Variants in BBX observed in about 807,000 individuals in gnomAD.
The protein encoded by BBX is HMG box transcription factor BBX.
In BBX, 30 loss-of-function variants were observed where a neutral mutation model predicts 100.2. The ratio of observed to expected loss-of-function variants is 0.30; its 90% CI spans 0.22 to 0.41. BBX has a LOEUF of 0.41. Ranked by LOEUF, BBX falls within the 10% of genes least tolerant of loss-of-function variation. The pLI is 1.00. For synonymous variants in BBX, 376 were observed against 388.1 expected, an observed-to-expected ratio of 0.97 and a Z score of 0.37; for missense variants, 1,023 against 1,129.8, an observed-to-expected ratio of 0.91 and a Z score of 1.35.
At chr3:107,709,216 T>A (rs1482338219) in intron 3 of BBX, among the ~76,000 whole-genome samples, 1 of 152,200 alleles carries the variant, frequency 6.6e-6, no homozygotes, top group Non-Finnish European at 1.5e-5. Context: ...ATGTTTAAGT[T>A]GAAGTTGTAC....
chr3:107,643,239 C>G (rs1559910143), intron 2 of BBX, among the ~76,000 whole-genome samples: 1 of 152,164 alleles, frequency 6.6e-6, no homozygotes, highest in Non-Finnish European at 1.5e-5. Flanking sequence ...AAGCCAGTTG[C>G]TTCAGCGTGT....
At chr3:107,739,544 T>C (rs1270926177) in intron 7 of BBX, among the ~76,000 whole-genome samples, 1 of 152,220 alleles carries the variant, frequency 6.6e-6, no homozygotes, top group Non-Finnish European at 1.5e-5. Flanking sequence ...CCAGCTTGAT[T>C]GACAAATCAC....
At chr3:107,798,349 T>C (rs2069982076) in intron 15 of BBX, among the ~76,000 whole-genome samples, 174 bp from the exon 16 acceptor site, 1 of 152,220 alleles carries the variant, frequency 6.6e-6, no homozygotes, top group Admixed American at 6.5e-5. Flanking sequence ...TATCAATTGG[T>C]AGTAAACAAG....
rs567947434 is a variant in BBX at position 107,600,920 on chromosome 3, A to G, written c.-83-44916A>G. 1.2e-4 allele frequency among the ~76,000 whole-genome samples: 18 copies of G among 152,274 alleles called. No individual in the cohort carries two copies. In the South Asian group the frequency reaches 3.5e-3, roughly 30 times the overall value. On this transcript the variant is annotated intron_variant, in intron 2 of 17. Transcript: ENST00000325805. The stretch of plus-strand genomic sequence containing the variant: ...ACATCACAGATACTGTATTTTTTAC[A>G]AATTGAAGATCTGTGGCAACTCTGC...
intron 3 of BBX, among the ~76,000 whole-genome samples, chr3:107,660,162 A>G (rs1419755364): frequency 1.3e-5 from 2 of 152,178 alleles, no homozygotes; most frequent in Non-Finnish European, 2.9e-5. Flanking sequence ...TCACTCATCT[A>G]GATATCTCAG....
intron 17 of BBX, among the ~76,000 whole-genome samples, chr3:107,804,841 C>T (rs1392541901): frequency 3.3e-5 from 5 of 150,094 alleles, no homozygotes; most frequent in Non-Finnish European, 7.4e-5. Flanking sequence ...CACAGTCCAT[C>T]TCTGTTTCTC....
chr3:107,770,223 G>T (rs1207452633), intron 10 of BBX, among the ~76,000 whole-genome samples: 1 of 152,168 alleles, frequency 6.6e-6, no homozygotes, highest in African/African-American at 2.4e-5. Context: ...AATAGAGTTT[G>T]CAAAATATTA....
rs150519547 is a variant in BBX, at chr3:107,753,952, CATT to C, written c.826-1641_826-1639del. Reference sequence around the variant, plus strand: ...TGTTTATTAAGTGTTAAAGATAAATCATTATTAGTAATAATTGGGCCATTTATT... The same window carrying C: ...TGTTTATTAAGTGTTAAAGATAAATCATTAGTAATAATTGGGCCATTTATT... On this transcript the variant is annotated intron_variant, in intron 9 of 17. Coordinates refer to ENST00000325805, the MANE Select transcript of BBX (RefSeq NM_001142568.3). 5.9e-5 allele frequency among the ~76,000 whole-genome samples: 9 copies of C among 152,258 alleles called. No homozygotes were observed. In the East Asian group the frequency reaches 1.7e-3, roughly 29 times the overall value.
At chr3:107,666,719 G>A (rs147441718) in intron 3 of BBX, among the ~76,000 whole-genome samples, 2,621 of 152,158 alleles carry the variant, frequency 0.017, 34 homozygotes, top group Non-Finnish European at 0.028. Context: ...CTACAGGTGC[G>A]TGCCACCACG....
intron 3 of BBX, among the ~76,000 whole-genome samples, chr3:107,670,085 T>C (rs528653442): frequency 1.3e-5 from 2 of 152,270 alleles, no homozygotes; most frequent in South Asian, 4.1e-4. Context: ...TGTTATGTAT[T>C]AGACTTAGCT....
chr3:107,553,438 T>C (rs988808221), intron 2 of BBX, among the ~76,000 whole-genome samples: 5 of 152,230 alleles, frequency 3.3e-5, no homozygotes, highest in Non-Finnish European at 1.5e-5. Context: ...ACCATATTGC[T>C]ACTTTCTCCC....
rs1395479935 is a variant in BBX at position 107,808,363 on chromosome 3, T to C, written c.*2906T>C. 11 of 152,212 alleles carry C rather than the reference T, an allele frequency of 7.2e-5. No individual in the cohort carries two copies. Among genetic ancestry groups the C allele is most frequent in the Non-Finnish European group, 4.4e-5 (3 of 68,018 alleles). The allele number at this position is 152,212 out of a possible 1,614,324, so 9.4% of individuals were successfully genotyped here. ...TGAATTTAGTTGAAATTATCAATATTTATGCTTTTAACCTTAATTTCTGGA... is the reference window on the plus strand; with the variant it reads ...TGAATTTAGTTGAAATTATCAATATCTATGCTTTTAACCTTAATTTCTGGA... On this transcript the variant is annotated 3_prime_UTR_variant, in exon 18 of 18. Transcript: ENST00000325805.
Position 107,734,123 on chromosome 3 carries a change from T to G in BBX, c.669+1100T>G, listed in dbSNP as rs138718330. On this transcript the variant is annotated intron_variant, in intron 7 of 17. Coordinates refer to ENST00000325805, the MANE Select transcript of BBX (RefSeq NM_001142568.3). ...TTTAGTTGTGATTATGTCATACATA[T>G]TATACTTGAAGGCTATTCAAATAGT... 3.3e-5 allele frequency among the ~76,000 whole-genome samples: 5 copies of G among 152,298 alleles called. No homozygotes were observed. In the East Asian group the frequency reaches 9.6e-4, roughly 29 times the overall value.
intron 3 of BBX, among the ~76,000 whole-genome samples, chr3:107,705,019 G>C (rs1480585901): frequency 4.6e-5 from 7 of 152,146 alleles, no homozygotes; most frequent in African/African-American, 4.8e-5. Context: ...GTGGCAGCAG[G>C]ACCCCTTGAA....
At chr3:107,692,179 TTTA>T (rs1384552475) in intron 3 of BBX, among the ~76,000 whole-genome samples, 5 of 149,124 alleles carry the variant, frequency 3.4e-5, no homozygotes, top group Non-Finnish European at 5.9e-5. Context: ...ATTTTATTTA[TTTA>T]TTTATTTATT....
intron 5 of BBX, among the ~76,000 whole-genome samples, chr3:107,727,782 G>T (rs547939997): frequency 1.3e-5 from 2 of 152,116 alleles, no homozygotes; most frequent in Non-Finnish European, 1.5e-5. Context: ...ATTAAAAGCT[G>T]TTTGGAAGTT....
chr3:107,695,672 G>C (rs1374945330), intron 3 of BBX, among the ~76,000 whole-genome samples: 1 of 151,692 alleles, frequency 6.6e-6, no homozygotes, highest in Non-Finnish European at 1.5e-5. Context: ...TGTGTATTCT[G>C]TTGATTTGGG....
At chr3:107,648,076 C>T (rs1186871649) in intron 3 of BBX, among the ~76,000 whole-genome samples, 1 of 152,158 alleles carries the variant, frequency 6.6e-6, no homozygotes, top group Non-Finnish European at 1.5e-5. Flanking sequence ...CATATTTTAA[C>T]TATTATATCT....
intron 2 of BBX, among the ~76,000 whole-genome samples, chr3:107,615,424 A>G (rs999201675): frequency 2.6e-5 from 4 of 152,164 alleles, no homozygotes; most frequent in Admixed American, 2.0e-4. Context: ...GGATCCGGGC[A>G]TATAAGGTGT....
Sources: gnomAD v4.1 joint callset for allele counts (sites outside exome capture counted in the v4.1 genomes callset) on GRCh38, gnomAD v4.1.1 for gene constraint, MANE v1.5 for transcripts, NCBI Gene and HGNC (gene_info 2026-07-23, HGNC 2026-07-21) for gene names.